The following SEL1L2 variants were observed in gnomAD, a reference collection of about 807,000 sequenced individuals.
SEL1L2 encodes the protein protein sel-1 homolog 2.
In SEL1L2, 89 loss-of-function variants were observed where a neutral mutation model predicts 98.8. The ratio of observed to expected loss-of-function variants is 0.90; its 90% CI spans 0.76 to 1.07. SEL1L2 has a LOEUF of 1.07. Ranked by LOEUF, SEL1L2 falls within the 50% of genes least tolerant of loss-of-function variation. The pLI, the probability that SEL1L2 is intolerant of heterozygous loss-of-function variation, is 0.00. For missense variants in SEL1L2, 788 were observed against 812.0 expected, an observed-to-expected ratio of 0.97 and a Z score of 0.36; for synonymous variants, 262 against 278.5, an observed-to-expected ratio of 0.94 and a Z score of 0.59.
chr20:13,986,957 C>T (rs1279999287), intron 1 of SEL1L2, among the ~76,000 whole-genome samples: 1 of 151,870 alleles, frequency 6.6e-6, no homozygotes, highest in Non-Finnish European at 1.5e-5. Flanking sequence ...CTCAGCCTCC[C>T]GAGTAGCTGG....
intron 10 of SEL1L2, among the ~76,000 whole-genome samples, chr20:13,882,263 C>T (rs564626251): frequency 6.6e-6 from 1 of 152,258 alleles, no homozygotes; most frequent in Non-Finnish European, 1.5e-5. Flanking sequence ...TATGTATCTC[C>T]CCTGCCATTC....
intron 12 of SEL1L2, among the ~76,000 whole-genome samples, chr20:13,871,499 A>C (rs1419761322): frequency 6.6e-6 from 1 of 151,636 alleles, no homozygotes; most frequent in African/African-American, 2.4e-5. Context: ...AGAAACCATG[A>C]TTGACCACCT....
chr20:13,982,215 A>G (rs1445260204), intron 1 of SEL1L2, among the ~76,000 whole-genome samples: 2 of 152,212 alleles, frequency 1.3e-5, no homozygotes, highest in Non-Finnish European at 2.9e-5. Context: ...TTACTACTAG[A>G]AAGAAATAGA....
chr20:13,913,840 G>C lies in SEL1L2; in HGVS notation c.491C>G (p.Thr164Arg), dbSNP rs778926488. 5.1e-6 allele frequency: 8 copies of C among 1,558,798 alleles called. No individual in the cohort carries two copies. In the South Asian group the frequency reaches 1.0e-4, roughly 20 times the overall value. The stretch of plus-strand genomic sequence containing the variant: ...GGACTCATATAATTGGATAGCTGCT[G>C]TTATATTTTGCACGCCAAAATTTCC... Reference protein sequence around the residue: ...LFGNFGVQNITAAIQLYESLA... With the variant: ...LFGNFGVQNIRAAIQLYESLA... Residue 164 changes from threonine (T) to arginine (R), a missense_variant, in exon 5 of 20, where the codon ACA (threonine) becomes AGA (arginine). Coordinates refer to ENST00000284951, the MANE Select transcript of SEL1L2 (RefSeq NM_025229.2).
At chr20:13,944,248 T>G (rs1209118793) in intron 2 of SEL1L2, among the ~76,000 whole-genome samples, 1 of 152,156 alleles carries the variant, frequency 6.6e-6, no homozygotes, top group African/African-American at 2.4e-5. Flanking sequence ...ATGCCAATCA[T>G]GTAAAGCCCC....
At chr20:13,983,581 C>T (rs1182894456) in intron 1 of SEL1L2, among the ~76,000 whole-genome samples, 1 of 151,912 alleles carries the variant, frequency 6.6e-6, no homozygotes, top group East Asian at 1.9e-4. Context: ...AGTGCAATGG[C>T]ACGATCTCAA....
chr20:13,936,018 T>C (rs2148344000), intron 2 of SEL1L2, among the ~76,000 whole-genome samples: 1 of 152,318 alleles, frequency 6.6e-6, no homozygotes, highest in South Asian at 2.1e-4. Context: ...TAAAAGCATG[T>C]TTGTAAAACT....
intron 5 of SEL1L2, among the ~76,000 whole-genome samples, chr20:13,912,139 T>C (rs1442474639): frequency 6.6e-6 from 1 of 152,132 alleles, no homozygotes; most frequent in Non-Finnish European, 1.5e-5. Context: ...ACTTTACAGA[T>C]GAAAATTAGT....
At chr20:13,850,389 A>G (rs1988043858) in intron 18 of SEL1L2, 70 bp from the exon 19 acceptor site, 2 of 1,534,390 alleles carry the variant, frequency 1.3e-6, no homozygotes, top group Non-Finnish European at 9.0e-7. Context: ...ATTGTTCACA[A>G]TATCAAATGT....
At chr20:13,931,873 G>A in intron 2 of SEL1L2, 102 bp from the exon 3 acceptor site, 2 of 936,322 alleles carry the variant, frequency 2.1e-6, no homozygotes, top group Non-Finnish European at 3.0e-6. Context: ...AAAAATACAA[G>A]CTTAATGCAA....
intron 5 of SEL1L2, among the ~76,000 whole-genome samples, chr20:13,905,147 A>G (rs2047864397): frequency 6.6e-6 from 1 of 152,194 alleles, no homozygotes; most frequent in Admixed American, 6.5e-5. Flanking sequence ...CTTTAGCAGA[A>G]AACTAACAAT....
intron 1 of SEL1L2, among the ~76,000 whole-genome samples, chr20:13,965,726 G>A (rs958027455): frequency 6.6e-6 from 1 of 152,068 alleles, no homozygotes; most frequent in Admixed American, 6.6e-5. Context: ...AAGCAGAGGC[G>A]GGCAGATCAC....
At chr20:13,908,925 C>A (rs2048097382) in intron 5 of SEL1L2, among the ~76,000 whole-genome samples, 1 of 152,064 alleles carries the variant, frequency 6.6e-6, no homozygotes. Context: ...TCCCTTCTAT[C>A]TCCTCAATGT....
intron 4 of SEL1L2, chr20:13,915,116 C>A: frequency 7.8e-7 from 1 of 1,288,678 alleles, no homozygotes; most frequent in Non-Finnish European, 1.0e-6. Context: ...GATCAGGAGA[C>A]TCACCTTTAT....
intron 1 of SEL1L2, among the ~76,000 whole-genome samples, chr20:13,967,378 C>T (rs2051098039): frequency 6.6e-6 from 1 of 152,124 alleles, no homozygotes; most frequent in Admixed American, 6.6e-5. Flanking sequence ...CTTGGTTCCC[C>T]TTACCACATG....
intron 18 of SEL1L2, among the ~76,000 whole-genome samples, chr20:13,856,677 T>C (rs541250343): frequency 6.6e-6 from 1 of 152,154 alleles, no homozygotes; most frequent in Admixed American, 6.5e-5. Context: ...ACTTCCTTTT[T>C]GAAAGACAGA....
intron 2 of SEL1L2, among the ~76,000 whole-genome samples, chr20:13,955,115 T>C (rs1445626298): frequency 6.6e-6 from 1 of 152,190 alleles, no homozygotes; most frequent in Non-Finnish European, 1.5e-5. Context: ...CACTGTTCTA[T>C]TGGCTGGGGA....
At position 13,876,116 on chromosome 20, in the gene SEL1L2, C is replaced by T. The variant is rs2046417167; in HGVS notation, c.1027-1G>A. On this transcript the variant is annotated splice_acceptor_variant, in intron 11 of 19. Coordinates refer to ENST00000284951, the MANE Select transcript of SEL1L2 (RefSeq NM_025229.2). LOFTEE classifies it high-confidence loss of function. The stretch of plus-strand genomic sequence containing the variant: ...CGGCAGCATTCCCCTCTAAATACAT[C>T]TAGGAAGAAAAATGAAAAGAGGATA... The T allele has an allele frequency of 1.2e-6, 2 of 1,608,960 alleles. No individual in the cohort carries two copies. The highest frequency in any genetic ancestry group is 1.7e-4 in the Middle Eastern group (1 of 6,058).
At chr20:13,862,465 C>T (rs1990285808) in intron 17 of SEL1L2, among the ~76,000 whole-genome samples, 1 of 152,134 alleles carries the variant, frequency 6.6e-6, no homozygotes, top group Non-Finnish European at 1.5e-5. Context: ...TGTATGAGCT[C>T]AGGTCTAGCA....
Sources: allele counts gnomAD v4.1 joint callset (sites outside exome capture counted in the v4.1 genomes callset), GRCh38; gene constraint gnomAD v4.1.1; transcripts MANE v1.5; gene names NCBI Gene and HGNC (gene_info 2026-07-23, HGNC 2026-07-21).